PTPRD: variants seen among roughly 807,000 people sequenced by gnomAD.
PTPRD encodes protein tyrosine phosphatase receptor type D, also known as receptor-type tyrosine-protein phosphatase delta.
A neutral mutation model predicts 214.5 loss-of-function variants in PTPRD; 34 were observed. That is an observed-to-expected ratio of 0.16 (90% CI 0.12 to 0.21). The LOEUF is 0.21. Among genes scored for constraint, PTPRD ranks in the 10% least tolerant of loss-of-function variants. PTPRD has a pLI of 1.00. For synonymous variants in PTPRD, 1,128 were observed against 845.7 expected (o/e 1.33, Z -5.79); for missense variants, 2,545 against 2,398.7 (o/e 1.06, Z -1.27).
chr9:8,340,124 G>T (rs1328567903), intron 42 of PTPRD, among the ~76,000 whole-genome samples: 2 of 152,064 alleles, frequency 1.3e-5, no homozygotes, highest in Non-Finnish European at 2.9e-5. Context: ...GTGCTTCACT[G>T]GAAACAAATC....
At chr9:9,869,068 C>G (rs1174854308) in intron 5 of PTPRD, among the ~76,000 whole-genome samples, 1 of 152,136 alleles carries the variant, frequency 6.6e-6, no homozygotes, top group African/African-American at 2.4e-5. Flanking sequence ...ACCAATACAT[C>G]AACTACTTAC....
At chr9:9,619,693 C>A (rs2154351881) in intron 7 of PTPRD, among the ~76,000 whole-genome samples, 1 of 143,502 alleles carries the variant, frequency 7.0e-6, no homozygotes, top group East Asian at 2.0e-4. Flanking sequence ...TCAAATATTT[C>A]TATATAGAAA....
intron 2 of PTPRD, among the ~76,000 whole-genome samples, chr9:10,467,507 C>G (rs1301958790): frequency 6.6e-6 from 1 of 152,128 alleles, no homozygotes; most frequent in Non-Finnish European, 1.5e-5. Context: ...AATAGACACT[C>G]CTTCATCTGC....
intron 8 of PTPRD, among the ~76,000 whole-genome samples, chr9:9,417,000 CAAGT>C (rs1289147453): frequency 1.3e-5 from 2 of 152,022 alleles, no homozygotes; most frequent in Non-Finnish European, 2.9e-5. Context: ...TTATGTATAC[CAAGT>C]AAGATCAGTG....
Position 10,099,158 on chromosome 9 carries a change from A to T in PTPRD, c.-544-65368T>A, listed in dbSNP as rs564102182. Among the ~76,000 whole-genome samples the T allele has an allele frequency of 4.0e-5, 6 of 151,864 alleles. No homozygotes were observed. The South Asian group carries it at 1.2e-3, about 31-fold the overall frequency. On this transcript the variant is annotated intron_variant, in intron 3 of 45. Coordinates refer to ENST00000381196, the MANE Select transcript of PTPRD (RefSeq NM_002839.4). ...TTGTTATGGTTTTAATTTCAAGATT[A>T]TTTTTTGAAAGTCAGCATAAGTGTA...
intron 33 of PTPRD, among the ~76,000 whole-genome samples, chr9:8,456,850 C>T (rs983746203): frequency 6.6e-6 from 1 of 152,188 alleles, no homozygotes; most frequent in Non-Finnish European, 1.5e-5. Context: ...ACCTGATCTA[C>T]ACTTTCTTTG....
intron 7 of PTPRD, among the ~76,000 whole-genome samples, chr9:9,672,250 C>T (rs574176258): frequency 2.0e-5 from 3 of 152,180 alleles, no homozygotes; most frequent in East Asian, 3.9e-4. Flanking sequence ...TTAGCAAATT[C>T]TATCATCTAA....
At chr9:10,357,790 A>T (rs772628061) in intron 2 of PTPRD, among the ~76,000 whole-genome samples, 7 of 152,212 alleles carry the variant, frequency 4.6e-5, no homozygotes, top group Non-Finnish European at 7.4e-5. Flanking sequence ...CACTAAGTAT[A>T]TGCAATGATG....
chr9:8,713,820 G>A (rs2098398678), intron 12 of PTPRD: 1 of 1,524,354 alleles, frequency 6.6e-7, no homozygotes, highest in Non-Finnish European at 8.9e-7. Context: ...TCACCACCAA[G>A]AGGCCCAACA....
intron 5 of PTPRD, among the ~76,000 whole-genome samples, chr9:9,804,891 G>T (rs73396871): frequency 6.6e-6 from 1 of 151,590 alleles, no homozygotes; most frequent in South Asian, 2.1e-4. Flanking sequence ...GAAATTCCTT[G>T]TTAAGTATTA....
intron 6 of PTPRD, among the ~76,000 whole-genome samples, chr9:9,751,924 T>C (rs1193431698): frequency 6.6e-6 from 1 of 152,162 alleles, no homozygotes; most frequent in Admixed American, 6.6e-5. Flanking sequence ...AAGCTCTTAA[T>C]AAATTAATAT....
chr9:8,808,462 CT>C (rs34627797), intron 11 of PTPRD, among the ~76,000 whole-genome samples: 27,413 of 98,872 alleles, frequency 0.28, 1,757 homozygotes, highest in Non-Finnish European at 0.31. Context: ...AGCCCCCCAC[CT>C]TTTTTTTTTT....
intron 2 of PTPRD, among the ~76,000 whole-genome samples, chr9:10,415,623 T>C (rs182102226): frequency 2.6e-5 from 4 of 152,014 alleles, no homozygotes; most frequent in African/African-American, 9.6e-5. Flanking sequence ...CCATTGGTTA[T>C]CTATGAAAGT....
chr9:8,726,591 ATATATATATATATATATATATATATAT>A (rs1565593792), intron 12 of PTPRD, among the ~76,000 whole-genome samples: 1,739 of 11,636 alleles, frequency 0.15, 651 homozygotes, highest in Middle Eastern at 0.31. Context: ...AAAAAAAAAT[ATATATATATATATATATATATATATAT>A]ATATATATAT....
intron 2 of PTPRD, among the ~76,000 whole-genome samples, chr9:10,551,282 T>A (rs2131099792): frequency 6.6e-6 from 1 of 152,198 alleles, no homozygotes; most frequent in East Asian, 1.9e-4. Context: ...CAGGTTACAG[T>A]GAGCTATGAT....
intron 11 of PTPRD, among the ~76,000 whole-genome samples, chr9:8,945,533 A>G (rs949227284): frequency 2.0e-5 from 3 of 152,048 alleles, no homozygotes; most frequent in Non-Finnish European, 2.9e-5. Context: ...AGCATTCCAT[A>G]AAGATACTCC....
In PTPRD at chr9:10,119,614, G is replaced by A. The variant is rs557066987; in HGVS notation, c.-544-85824C>T. Among the ~76,000 whole-genome samples, 161 of 151,908 alleles carry A rather than the reference G, an allele frequency of 1.1e-3. 1 individual carries two copies. In the South Asian group the frequency reaches 0.015, roughly 14 times the overall value. Reference sequence around the variant, plus strand: ...CAAGTCATTCATTATTGAGGGAACCGGTAAGATATTGGATGATAAAGCTGG... The same window carrying A: ...CAAGTCATTCATTATTGAGGGAACCAGTAAGATATTGGATGATAAAGCTGG... On this transcript the variant is annotated intron_variant, in intron 3 of 45. Coordinates refer to ENST00000381196, the MANE Select transcript of PTPRD (RefSeq NM_002839.4).
intron 5 of PTPRD, among the ~76,000 whole-genome samples, chr9:9,779,508 G>A (rs2098826561): frequency 6.6e-6 from 1 of 151,890 alleles, no homozygotes; most frequent in South Asian, 2.1e-4. Context: ...AATGCAACAA[G>A]CAAAAACCAA....
chr9:10,042,374 C>T (rs2097311811), intron 3 of PTPRD, among the ~76,000 whole-genome samples: 1 of 151,848 alleles, frequency 6.6e-6, no homozygotes, highest in Non-Finnish European at 1.5e-5. Context: ...TATTAAAGCA[C>T]CATAGATTGC....
Sources: gnomAD v4.1 joint callset for allele counts (sites outside exome capture counted in the v4.1 genomes callset) on GRCh38, gnomAD v4.1.1 for gene constraint, MANE v1.5 for transcripts, NCBI Gene and HGNC (gene_info 2026-07-23, HGNC 2026-07-21) for gene names.